Variants in DNMBP observed in about 807,000 individuals in gnomAD.
DNMBP encodes the protein dynamin-binding protein.
DNMBP carries 87 observed loss-of-function variants against 150.0 expected under a neutral mutation model. That is an observed-to-expected ratio of 0.58 (90% CI 0.49 to 0.69). The LOEUF is 0.69. Ranked by LOEUF, DNMBP falls within the 30% of genes least tolerant of loss-of-function variation. The pLI is 0.00. For missense variants in DNMBP, 1,774 were observed against 1,949.0 expected, an observed-to-expected ratio of 0.91 and a Z score of 1.69; for synonymous variants, 711 against 750.4, an observed-to-expected ratio of 0.95 and a Z score of 0.86.
rs539511338 is a variant in DNMBP at position 99,932,408 on chromosome 10, T to C, written c.2260+22806A>G. On this transcript the variant is annotated intron_variant, in intron 4 of 16. Transcript: ENST00000324109. ...AAACAAAAGGCCAATAAAAAACAAATTGACCAGTGGTATTCATCAGTCAAA... is the reference window on the plus strand; with the variant it reads ...AAACAAAAGGCCAATAAAAAACAAACTGACCAGTGGTATTCATCAGTCAAA... Among the ~76,000 whole-genome samples, 33 of 152,248 alleles carry C rather than the reference T, an allele frequency of 2.2e-4. No homozygotes were observed. The South Asian group carries it at 6.8e-3, about 32-fold the overall frequency.
At chr10:99,949,562 G>A (rs2040396678) in intron 4 of DNMBP, among the ~76,000 whole-genome samples, 1 of 152,058 alleles carries the variant, frequency 6.6e-6, no homozygotes, top group Admixed American at 6.6e-5. Flanking sequence ...GTTACTGCAA[G>A]GAATAAGTAA....
At chr10:99,899,005 C>T (rs2039700588) in intron 7 of DNMBP, among the ~76,000 whole-genome samples, 1 of 151,478 alleles carries the variant, frequency 6.6e-6, no homozygotes, top group African/African-American at 2.4e-5. Context: ...CCTGCCTGGC[C>T]AACCTGGTGA....
chr10:99,879,411 C>T (rs1336262015), intron 16 of DNMBP, among the ~76,000 whole-genome samples: 3 of 151,954 alleles, frequency 2.0e-5, no homozygotes, highest in African/African-American at 4.8e-5. Flanking sequence ...GTGGAGGTTG[C>T]AGTGAGCTGA....
At chr10:99,881,498 T>C (rs546141207) in intron 15 of DNMBP, among the ~76,000 whole-genome samples, 1 of 152,332 alleles carries the variant, frequency 6.6e-6, no homozygotes, top group South Asian at 2.1e-4. Flanking sequence ...CATAACACTG[T>C]CAAGGCACAG....
At chr10:99,916,417 G>A (rs1412336098) in intron 4 of DNMBP, among the ~76,000 whole-genome samples, 1 of 152,204 alleles carries the variant, frequency 6.6e-6, no homozygotes, top group Non-Finnish European at 1.5e-5. Flanking sequence ...TCCAGCCTGG[G>A]CGACAGAGCG....
chr10:99,921,568 T>C (rs1348615547), intron 4 of DNMBP, among the ~76,000 whole-genome samples: 2 of 151,920 alleles, frequency 1.3e-5, no homozygotes, highest in South Asian at 2.1e-4. Flanking sequence ...ATGGCAGCAA[T>C]TGAGACCAGG....
At chr10:99,909,900 T>C (rs1296947278) in intron 4 of DNMBP, among the ~76,000 whole-genome samples, 1 of 152,212 alleles carries the variant, frequency 6.6e-6, no homozygotes, top group Non-Finnish European at 1.5e-5. Flanking sequence ...GTCATTAGCT[T>C]TTACAATTAT....
chr10:100,001,727 A>G (rs2041016146), intron 1 of DNMBP, among the ~76,000 whole-genome samples: 1 of 152,166 alleles, frequency 6.6e-6, no homozygotes, highest in South Asian at 2.1e-4. Flanking sequence ...CTAGGTTTTC[A>G]GAGTCAAAAG....
chr10:99,885,904 G>A (rs575201897), intron 13 of DNMBP, 38 bp from the exon 14 acceptor site: 1 of 1,535,942 alleles, frequency 6.5e-7, no homozygotes, highest in South Asian at 1.2e-5. Flanking sequence ...GAGAAAAGAA[G>A]AAAACACGAT....
chr10:100,002,582 T>C (rs1029465327), intron 1 of DNMBP, among the ~76,000 whole-genome samples: 1 of 152,250 alleles, frequency 6.6e-6, no homozygotes, highest in Non-Finnish European at 1.5e-5. Flanking sequence ...TCTCTCATTT[T>C]TCACATCAGC....
intron 4 of DNMBP, chr10:99,929,837 G>T (rs1379978289): frequency 2.0e-5 from 14 of 702,782 alleles, no homozygotes; most frequent in Non-Finnish European, 3.1e-5. Context: ...GGATCCTGCT[G>T]CCCCCATGTG....
At chr10:99,946,798 T>C (rs565586870) in intron 4 of DNMBP, among the ~76,000 whole-genome samples, 27 of 151,982 alleles carry the variant, frequency 1.8e-4, no homozygotes, top group African/African-American at 6.5e-4. Flanking sequence ...ACAGACAACC[T>C]ACAGACTGGG....
At chr10:99,889,648 C>T (rs1052514482) in intron 11 of DNMBP, among the ~76,000 whole-genome samples, 2 of 152,152 alleles carry the variant, frequency 1.3e-5, no homozygotes, top group Admixed American at 6.5e-5. Flanking sequence ...GGCTTTCTTT[C>T]GAGACCAGCC....
intron 4 of DNMBP, among the ~76,000 whole-genome samples, chr10:99,934,944 G>T (rs1210531610): frequency 1.4e-5 from 2 of 139,522 alleles, no homozygotes; most frequent in Non-Finnish European, 3.1e-5. Context: ...ATAAAAATTA[G>T]GTATGGTGGC....
At chr10:99,991,808 A>G (rs1256832643) in intron 1 of DNMBP, among the ~76,000 whole-genome samples, 1 of 150,912 alleles carries the variant, frequency 6.6e-6, no homozygotes, top group Non-Finnish European at 1.5e-5. Flanking sequence ...CGGGAGGCTG[A>G]GGCAGGAGAA....
chr10:99,894,874 A>T, intron 11 of DNMBP, 72 bp downstream of exon 11: 1 of 1,185,254 alleles, frequency 8.4e-7, no homozygotes, highest in Non-Finnish European at 1.2e-6. Context: ...ATTAAACAAT[A>T]TGACTGATGA....
At chr10:99,913,269 T>G (rs1190645404) in intron 4 of DNMBP, among the ~76,000 whole-genome samples, 1 of 152,168 alleles carries the variant, frequency 6.6e-6, no homozygotes, top group Non-Finnish European at 1.5e-5. Context: ...AAATGTCCAC[T>G]TTTATCTCTT....
In DNMBP at chr10:99,986,594, C is replaced by CAAAAAAAAA. The variant is rs747726572; in HGVS notation, c.-10-14469_-10-14461dup. Among the ~76,000 whole-genome samples the CAAAAAAAAA allele has an allele frequency of 2.6e-3, 195 of 74,162 alleles. 23 individuals are homozygous for CAAAAAAAAA. The highest frequency in any genetic ancestry group is 8.3e-3 in the Middle Eastern group (1 of 120). The allele number at this position is 74,162 out of a possible 152,430, so 48.7% of individuals were successfully genotyped here. On this transcript the variant is annotated intron_variant, in intron 1 of 16. Transcript: ENST00000324109. The stretch of plus-strand genomic sequence containing the variant: ...TGGGAGACAGAGCAAGACTCCGTCT[C>CAAAAAAAAA]AAAAAAAAAAAAAAAAAAAAAAAAA...
intron 1 of DNMBP, among the ~76,000 whole-genome samples, chr10:100,001,410 G>GTGT (rs1434807123): frequency 2.0e-4 from 19 of 96,368 alleles, no homozygotes; most frequent in African/African-American, 7.4e-4. Context: ...TTTTGTTGTT[G>GTGT]TTGTTTTTTT....
Sources: gnomAD v4.1 joint callset for allele counts (sites outside exome capture counted in the v4.1 genomes callset) on GRCh38, gnomAD v4.1.1 for gene constraint, MANE v1.5 for transcripts, NCBI Gene and HGNC (gene_info 2026-07-23, HGNC 2026-07-21) for gene names.